The following KIF5C variants were observed in gnomAD, a reference collection of about 807,000 sequenced individuals.
KIF5C encodes the protein kinesin family member 5C, also known as kinesin heavy chain isoform 5C.
In KIF5C, 18 loss-of-function variants were observed where a neutral mutation model predicts 125.2. That is an observed-to-expected ratio of 0.14 (90% CI 0.10 to 0.21). The LOEUF (loss-of-function observed/expected upper bound fraction) is 0.21, where lower values mean the gene tolerates loss of function less well. Ranked by LOEUF, KIF5C falls within the 10% of genes least tolerant of loss-of-function variation. KIF5C has a pLI of 1.00. For synonymous variants in KIF5C, 405 were observed against 434.0 expected (o/e 0.93, Z 0.83); for missense variants, 780 against 1,183.8 (o/e 0.66, Z 5.01).
intron 2 of KIF5C, among the ~76,000 whole-genome samples, chr2:148,927,793 A>G (rs1682060502): frequency 6.6e-6 from 1 of 152,048 alleles, no homozygotes; most frequent in African/African-American, 2.4e-5. Context: ...CAAACCTTAC[A>G]CTGACTACTT....
At position 148,875,575 on chromosome 2, in the gene KIF5C, G is replaced by GGGCCCCCCCCCCCCCCCCCCCCCC; in HGVS notation, c.-43_-42insGGCCCCCCCCCCCCCCCCCCCCCC. On this transcript the variant is annotated 5_prime_UTR_variant, in exon 1 of 26. Coordinates refer to ENST00000435030, the MANE Select transcript of KIF5C (RefSeq NM_004522.3). ...TCCTCCCTCGTCGTTCCCGGCCCCGGCCCCCCACCCATCCCCGTGCCCCCT... is the reference window on the plus strand; with the variant it reads ...TCCTCCCTCGTCGTTCCCGGCCCCGGGGCCCCCCCCCCCCCCCCCCCCCCCCCCCCACCCATCCCCGTGCCCCCT... The GGGCCCCCCCCCCCCCCCCCCCCCC allele has an allele frequency of 3.3e-5, 23 of 699,580 alleles. No individual in the cohort carries two copies. The highest frequency in any genetic ancestry group is 6.0e-5 in the East Asian group (2 of 33,460). 43.3% of individuals were successfully genotyped at this position (699,580 alleles called of 1,614,324 possible). A position where few individuals can be genotyped will look rare whatever the true frequency, so the allele number is the denominator to read the frequency against.
At chr2:148,931,524 G>A (rs1275505196) in intron 3 of KIF5C, among the ~76,000 whole-genome samples, 6 of 152,106 alleles carry the variant, frequency 3.9e-5, no homozygotes, top group African/African-American at 1.2e-4. Context: ...TTAGCCAGGC[G>A]TGGTGGCGCA....
intron 22 of KIF5C, among the ~76,000 whole-genome samples, chr2:149,005,714 C>A (rs904588865): frequency 1.3e-5 from 2 of 152,178 alleles, no homozygotes; most frequent in Admixed American, 6.5e-5. Flanking sequence ...TTCAAATGAA[C>A]GCATATTTTT....
intron 1 of KIF5C, among the ~76,000 whole-genome samples, chr2:148,914,425 T>C (rs1158872783): frequency 6.6e-6 from 1 of 152,282 alleles, no homozygotes. Context: ...TTCTTCATTA[T>C]CACTCGGGCA....
chr2:148,929,704 C>T (rs886936682), intron 3 of KIF5C, among the ~76,000 whole-genome samples: 12 of 152,158 alleles, frequency 7.9e-5, no homozygotes, highest in East Asian at 7.7e-4. Context: ...TGAAGGCCCC[C>T]GGGGAGGTTC....
chr2:148,905,518 G>A (rs1452592884), intron 1 of KIF5C, among the ~76,000 whole-genome samples: 1 of 152,182 alleles, frequency 6.6e-6, no homozygotes, highest in Non-Finnish European at 1.5e-5. Context: ...GGCATAATGA[G>A]AAGTGAGAGG....
At chr2:149,015,112 C>T (rs1238296765) in intron 25 of KIF5C, among the ~76,000 whole-genome samples, 1 of 152,250 alleles carries the variant, frequency 6.6e-6, no homozygotes, top group African/African-American at 2.4e-5. Context: ...TGCTTGAACC[C>T]AGGAGGCAGA....
chr2:149,006,373 A>C (rs1682008167), intron 22 of KIF5C, among the ~76,000 whole-genome samples: 2 of 152,060 alleles, frequency 1.3e-5, no homozygotes, highest in African/African-American at 4.8e-5. Context: ...AGAAGGGAGG[A>C]GTGGAGAAGT....
intron 1 of KIF5C, among the ~76,000 whole-genome samples, chr2:148,892,459 G>T (rs2105047532): frequency 6.6e-6 from 1 of 152,344 alleles, no homozygotes; most frequent in African/African-American, 2.4e-5. Context: ...TATAGGAGAA[G>T]AGAGCTGTAA....
intron 1 of KIF5C, among the ~76,000 whole-genome samples, chr2:148,912,367 A>G (rs1681374954): frequency 6.6e-6 from 1 of 152,244 alleles, no homozygotes; most frequent in African/African-American, 2.4e-5. Context: ...ACTACACTCA[A>G]AATCACTTTT....
rs1474259059 is a variant in KIF5C, at chr2:148,976,272, TA to T, written c.1294-2649del. Among the ~76,000 whole-genome samples, 221 of 151,194 alleles carry T rather than the reference TA, an allele frequency of 1.5e-3. 1 individual carries two copies. The highest frequency in any genetic ancestry group is 2.5e-3 in the Non-Finnish European group (168 of 67,830). Reference sequence around the variant, plus strand: ...TTATTTATTTATTTATTTATTTATTTATTTATTTATTTTTTGAGATGGAGTC... The same window carrying T: ...TTATTTATTTATTTATTTATTTATTTTTTATTTATTTTTTGAGATGGAGTC... On this transcript the variant is annotated intron_variant, in intron 12 of 25. Transcript: ENST00000435030.
chr2:148,918,017 A>G (rs1681629747), intron 1 of KIF5C, among the ~76,000 whole-genome samples: 1 of 152,190 alleles, frequency 6.6e-6, no homozygotes, highest in Non-Finnish European at 1.5e-5. Context: ...AGGCTGGGAA[A>G]CAGTTATTGG....
At chr2:148,985,948 ATAGAGT>A in intron 15 of KIF5C, among the ~76,000 whole-genome samples, 1 of 152,212 alleles carries the variant, frequency 6.6e-6, no homozygotes, top group East Asian at 1.9e-4. Context: ...CTCAGATACT[ATAGAGT>A]TAATCTTATT....
At chr2:148,939,028 G>A (rs1371599140) in intron 4 of KIF5C, among the ~76,000 whole-genome samples, 2 of 150,746 alleles carry the variant, frequency 1.3e-5, no homozygotes, top group African/African-American at 4.9e-5. Flanking sequence ...CTGGGAGGCA[G>A]AGGTTGCAGT....
chr2:148,918,111 T>C (rs1302243774), intron 1 of KIF5C, among the ~76,000 whole-genome samples: 1 of 152,232 alleles, frequency 6.6e-6, no homozygotes, highest in Non-Finnish European at 1.5e-5. Context: ...TCTGGTGGTA[T>C]GATTTTTTAA....
At chr2:148,969,119 A>C (rs969367458) in intron 11 of KIF5C, among the ~76,000 whole-genome samples, 3 of 152,196 alleles carry the variant, frequency 2.0e-5, no homozygotes, top group Non-Finnish European at 4.4e-5. Flanking sequence ...CTGGCAGTCT[A>C]ATGGTTTTCT....
chr2:148,988,033 T>A (rs1681427723), intron 15 of KIF5C, among the ~76,000 whole-genome samples: 1 of 152,134 alleles, frequency 6.6e-6, no homozygotes. Context: ...ATAGATTTCA[T>A]GACGGTGTGG....
chr2:148,966,084 A>G (rs998563721), intron 11 of KIF5C, among the ~76,000 whole-genome samples: 5 of 152,220 alleles, frequency 3.3e-5, no homozygotes, highest in African/African-American at 4.8e-5. Flanking sequence ...GAGTGGCAGG[A>G]TATTGCCAAC....
intron 15 of KIF5C, among the ~76,000 whole-genome samples, chr2:148,989,903 G>A (rs1240916416): frequency 1.3e-5 from 2 of 152,090 alleles, no homozygotes; most frequent in Non-Finnish European, 2.9e-5. Flanking sequence ...GCCCTCAAAT[G>A]TTTACTGAAC....
Sources: allele counts gnomAD v4.1 joint callset (sites outside exome capture counted in the v4.1 genomes callset), GRCh38; gene constraint gnomAD v4.1.1; transcripts MANE v1.5; gene names NCBI Gene and HGNC (gene_info 2026-07-23, HGNC 2026-07-21).